The following PIK3CB variants were observed in gnomAD, a reference collection of about 807,000 sequenced individuals.
PIK3CB encodes phosphatidylinositol 4,5-bisphosphate 3-kinase catalytic subunit beta isoform.
In PIK3CB, 39 loss-of-function variants were observed where a neutral mutation model predicts 136.8. The ratio of observed to expected loss-of-function variants is 0.29; its 90% CI spans 0.22 to 0.37. The LOEUF (loss-of-function observed/expected upper bound fraction) is 0.37. Ranked by LOEUF, PIK3CB falls within the 10% of genes least tolerant of loss-of-function variation. The pLI is 1.00. For missense variants in PIK3CB, 868 were observed against 1,275.4 expected, an observed-to-expected ratio of 0.68 and a Z score of 4.87; for synonymous variants, 428 against 436.6, an observed-to-expected ratio of 0.98 and a Z score of 0.25.
rs1002911057 is a variant in PIK3CB at position 138,708,886 on chromosome 3, T to G, written c.1400-1597A>C. Among the ~76,000 whole-genome samples the G allele has an allele frequency of 2.0e-5, 3 of 152,196 alleles. 1 individual carries two copies. Among genetic ancestry groups the G allele is most frequent in the Admixed American group, 1.3e-4 (2 of 15,284 alleles). On this transcript the variant is annotated intron_variant, in intron 10 of 23. Transcript: ENST00000674063. ...TCAAATTTAGTATTTTAGTACTTAT[T>G]AGCCCCATACATAGAGGTAATCCTT... is the stretch of plus-strand genomic sequence containing the variant.
intron 1 of PIK3CB, among the ~76,000 whole-genome samples, chr3:138,797,630 G>C (rs1285369312): frequency 6.6e-6 from 1 of 152,270 alleles, no homozygotes; most frequent in South Asian, 2.1e-4. Context: ...CCAAAAGTAA[G>C]AAAATTGGTG....
chr3:138,720,399 C>T (rs1196792811), intron 8 of PIK3CB, among the ~76,000 whole-genome samples: 2 of 152,202 alleles, frequency 1.3e-5, no homozygotes, highest in Admixed American at 6.5e-5. Flanking sequence ...TTTCTCCCCA[C>T]TTCTCTAATA....
chr3:138,672,189 C>A (rs1290909657), intron 19 of PIK3CB, among the ~76,000 whole-genome samples: 2 of 152,034 alleles, frequency 1.3e-5, no homozygotes, highest in African/African-American at 4.8e-5. Context: ...TCTGGGAGGA[C>A]TGGAACTCGA....
At chr3:138,734,117 T>C (rs1453676983) in intron 7 of PIK3CB, among the ~76,000 whole-genome samples, 1 of 152,166 alleles carries the variant, frequency 6.6e-6, no homozygotes, top group Non-Finnish European at 1.5e-5. Context: ...CTAAAAAGTA[T>C]TAACTGTTCA....
rs116251846 is a variant in PIK3CB, at chr3:138,824,234, C to T, written c.-122+10461G>A. ...CCCTGCAGGCATGGATAATCAGGAT[C>T]GCATTTCCCTTGAGGGCAAATCAGC... On this transcript the variant is annotated intron_variant, in intron 1 of 23. Coordinates refer to ENST00000674063, the MANE Select transcript of PIK3CB (RefSeq NM_006219.3). Among the ~76,000 whole-genome samples the T allele has an allele frequency of 5.7e-3, 864 of 152,268 alleles. 5 individuals carry two copies. The highest frequency in any genetic ancestry group is 0.037 in the Middle Eastern group (11 of 294).
At chr3:138,706,496 T>C (rs1257377890) in intron 11 of PIK3CB, among the ~76,000 whole-genome samples, 1 of 152,256 alleles carries the variant, frequency 6.6e-6, no homozygotes, top group Non-Finnish European at 1.5e-5. Flanking sequence ...TCAATTCTAA[T>C]ACAGCAGTGA....
At chr3:138,827,608 G>A (rs1933840043) in intron 1 of PIK3CB, among the ~76,000 whole-genome samples, 1 of 151,960 alleles carries the variant, frequency 6.6e-6, no homozygotes, top group African/African-American at 2.4e-5. Context: ...GAGCACAGCA[G>A]TTCGAGGTTA....
chr3:138,812,858 T>C (rs912614328), intron 1 of PIK3CB, among the ~76,000 whole-genome samples: 2 of 152,272 alleles, frequency 1.3e-5, no homozygotes, highest in African/African-American at 4.8e-5. Context: ...ATGGAACTAT[T>C]GTGACTTTAC....
rs111959267 is a variant in PIK3CB at position 138,718,559 on chromosome 3, C to T, written c.1051-3840G>A. On this transcript the variant is annotated intron_variant, in intron 8 of 23. Transcript: ENST00000674063. ...TCAATTTTTGCTTTTGTTGTGATCG[C>T]TTTTGGTGTCTTTGTCATAAAATTT... 3.1e-3 allele frequency among the ~76,000 whole-genome samples: 465 copies of T among 152,224 alleles called. 2 individuals carry two copies. The highest frequency in any genetic ancestry group is 4.3e-3 in the Non-Finnish European group (295 of 68,016).
intron 1 of PIK3CB, among the ~76,000 whole-genome samples, chr3:138,820,030 T>G (rs934679648): frequency 2.0e-5 from 3 of 152,212 alleles, no homozygotes; most frequent in African/African-American, 7.2e-5. Context: ...CAGCCAGAGT[T>G]GAGATCCACT....
At chr3:138,750,832 A>T (rs2045456822) in intron 4 of PIK3CB, among the ~76,000 whole-genome samples, 2 of 152,196 alleles carry the variant, frequency 1.3e-5, no homozygotes, top group Admixed American at 6.5e-5. Flanking sequence ...TTTCTGACAT[A>T]GCATAGCAGT....
rs1469740104 is a variant in PIK3CB at position 138,693,943 on chromosome 3, ATATATATATATATATATATATAT to A, written c.1892+820_1892+842del. Among the ~76,000 whole-genome samples, 2,368 of 36,910 alleles carry A rather than the reference ATATATATATATATATATATATAT, an allele frequency of 0.064. 327 individuals are homozygous for A. The East Asian group carries it at 0.64, about 10-fold the overall frequency. The allele number at this position is 36,910 out of a possible 152,430, so 24.2% of individuals were successfully genotyped here. On this transcript the variant is annotated intron_variant, in intron 14 of 23. Coordinates refer to ENST00000674063, the MANE Select transcript of PIK3CB (RefSeq NM_006219.3). Reference sequence around the variant, plus strand: ...TGTAATGTATTTGCTTAAAATATATATATATATATATATATATATATATTATATATATATATATATATATATAT... The same window carrying A: ...TGTAATGTATTTGCTTAAAATATATATATATATATATATATATATATATAT...
chr3:138,700,457 C>T (rs2044226727), intron 12 of PIK3CB, among the ~76,000 whole-genome samples: 4 of 152,214 alleles, frequency 2.6e-5, no homozygotes, highest in African/African-American at 4.8e-5. Context: ...CAAGAGACAG[C>T]TTAAATGGGC....
intron 1 of PIK3CB, among the ~76,000 whole-genome samples, chr3:138,819,248 G>A (rs1170458760): frequency 6.6e-6 from 1 of 152,048 alleles, no homozygotes; most frequent in Non-Finnish European, 1.5e-5. Context: ...TCAGGAGGCT[G>A]AGGCAAAAGA....
intron 2 of PIK3CB, among the ~76,000 whole-genome samples, chr3:138,774,689 T>C (rs111573367): frequency 3.3e-5 from 5 of 152,272 alleles, no homozygotes; most frequent in African/African-American, 1.2e-4. Flanking sequence ...GTGGTGCTGG[T>C]GAGTAACTAA....
At chr3:138,825,474 C>A in intron 1 of PIK3CB, 1 of 703,398 alleles carries the variant, frequency 1.4e-6, no homozygotes, top group East Asian at 2.5e-5. Flanking sequence ...TCAGCACTTA[C>A]ATTAAGAAAA....
chr3:138,684,605 C>G lies in PIK3CB; in HGVS notation c.2315+20G>C. ...CTTGCTATTCATAGGAGATTCACTGCGCAAAGCACAGTCACTTACTAGAGT... is the reference window on the plus strand; with the variant it reads ...CTTGCTATTCATAGGAGATTCACTGGGCAAAGCACAGTCACTTACTAGAGT... On this transcript the variant is annotated intron_variant, in intron 17 of 23. Coordinates refer to ENST00000674063, the MANE Select transcript of PIK3CB (RefSeq NM_006219.3). The G allele has an allele frequency of 1.9e-6, 3 of 1,565,838 alleles. No homozygotes were observed. Among genetic ancestry groups the G allele is most frequent in the South Asian group, 1.2e-5 (1 of 84,590 alleles).
intron 2 of PIK3CB, among the ~76,000 whole-genome samples, chr3:138,795,256 G>T (rs558560967): frequency 1.9e-4 from 28 of 148,854 alleles, no homozygotes; most frequent in African/African-American, 7.0e-4. Flanking sequence ...GGAGGCGGAC[G>T]TTGCAGTGAG....
intron 1 of PIK3CB, among the ~76,000 whole-genome samples, chr3:138,817,233 G>A (rs1428083442): frequency 2.0e-5 from 3 of 152,218 alleles, no homozygotes; most frequent in Non-Finnish European, 4.4e-5. Flanking sequence ...AGCTACTCAG[G>A]AGGCTGAGGC....
Sources: allele counts gnomAD v4.1 joint callset (sites outside exome capture counted in the v4.1 genomes callset), GRCh38; gene constraint gnomAD v4.1.1; transcripts MANE v1.5; gene names NCBI Gene and HGNC (gene_info 2026-07-23, HGNC 2026-07-21).